The following ITGA1 variants were observed in gnomAD, a reference collection of about 807,000 sequenced individuals.
ITGA1 encodes integrin alpha-1.
Under a neutral mutation model 145.9 loss-of-function variants are expected in ITGA1, and 85 were observed. The ratio of observed to expected loss-of-function variants is 0.58; its 90% CI spans 0.49 to 0.70. The LOEUF (loss-of-function observed/expected upper bound fraction) is 0.70, where lower values mean the gene tolerates loss of function less well. Among genes scored for constraint, ITGA1 ranks in the 30% least tolerant of loss-of-function variants. The pLI is 0.00. For missense variants in ITGA1, 1,351 were observed against 1,418.7 expected (o/e 0.95, Z 0.77); for synonymous variants, 520 against 495.3 (o/e 1.05, Z -0.66).
chr5:52,919,758 A>G (rs954564489), intron 16 of ITGA1, among the ~76,000 whole-genome samples: 3 of 152,210 alleles, frequency 2.0e-5, no homozygotes, highest in African/African-American at 7.2e-5. Context: ...TAAGTGATCA[A>G]ATAAGGAATA....
In ITGA1 at chr5:52,865,061, A is replaced by G. The variant is rs754684334; in HGVS notation, c.475A>G (p.Asn159Asp). 6 of 1,613,008 alleles carry G rather than the reference A, an allele frequency of 3.7e-6. No homozygotes were observed. Among genetic ancestry groups the G allele is most frequent in the Non-Finnish European group, 5.1e-6 (6 of 1,179,152 alleles). ...CGTCAGCCCCACATTTCAAGTCGTGAATTCCATTGCCCCTGTACAAGGTAC... is the reference window on the plus strand; with the variant it reads ...CGTCAGCCCCACATTTCAAGTCGTGGATTCCATTGCCCCTGTACAAGGTAC... The part of the protein sequence containing the change: ...SDVSPTFQVV[N>D]SIAPVQECST... Residue 159 changes from asparagine to aspartate, a missense_variant, in exon 5 of 29, where the codon AAT (asparagine) becomes GAT (aspartate). Coordinates refer to ENST00000282588, the MANE Select transcript of ITGA1 (RefSeq NM_181501.2).
At position 52,922,813 on chromosome 5, in the gene ITGA1, T is replaced by C. The variant is rs1750750261; in HGVS notation, c.2329T>C (p.Leu777=). Residue 777 remains leucine (L), a synonymous_variant, in exon 18 of 29, where the codon TTG becomes CTG. Transcript: ENST00000282588. The part of the protein sequence containing the change: ...HDFQDSVRIT[L]DFNLTDPENG... ...CTTTCAGGACTCTGTGAGAATAACG[T>C]TGGACTTTAATCTTACCGATCCAGA... The C allele has an allele frequency of 6.2e-7, 1 of 1,613,406 alleles. No homozygotes were observed. Among genetic ancestry groups the C allele is most frequent in the South Asian group, 1.1e-5 (1 of 91,072 alleles).
At chr5:52,847,202 A>G (rs914649017) in intron 1 of ITGA1, among the ~76,000 whole-genome samples, 12 of 152,206 alleles carry the variant, frequency 7.9e-5, no homozygotes, top group African/African-American at 2.9e-4. Context: ...TAGGGAGGTC[A>G]AGAAAGACTT....
intron 1 of ITGA1, among the ~76,000 whole-genome samples, chr5:52,847,617 A>G (rs1037830733): frequency 2.0e-5 from 3 of 152,176 alleles, no homozygotes; most frequent in African/African-American, 7.2e-5. Context: ...CAGTGGCACA[A>G]TCTTGGCTCA....
intron 1 of ITGA1, among the ~76,000 whole-genome samples, chr5:52,825,672 C>A (rs1158456057): frequency 6.6e-6 from 1 of 152,168 alleles, no homozygotes; most frequent in Non-Finnish European, 1.5e-5. Flanking sequence ...GTAATCCCAG[C>A]ACTTTGGAAG....
chr5:52,814,875 G>A (rs1354604388), intron 1 of ITGA1, among the ~76,000 whole-genome samples: 4 of 152,082 alleles, frequency 2.6e-5, no homozygotes, highest in Admixed American at 6.5e-5. Context: ...GATGCATCAC[G>A]AAAGTACGGA....
At chr5:52,911,305 G>A (rs1194992062) in intron 14 of ITGA1, among the ~76,000 whole-genome samples, 2 of 132,590 alleles carry the variant, frequency 1.5e-5, no homozygotes, top group African/African-American at 2.7e-5. Flanking sequence ...TGTATATATA[G>A]TATATAGTGT....
At position 52,953,789 on chromosome 5, in the gene ITGA1, AACT is replaced by A. The variant is rs1751264319; in HGVS notation, c.*1342_*1344del. The A allele has an allele frequency of 1.3e-5, 2 of 152,196 alleles. No individual in the cohort carries two copies. Among genetic ancestry groups the A allele is most frequent in the African/African-American group, 4.8e-5 (2 of 41,440 alleles). 9.4% of individuals were successfully genotyped at this position (152,196 alleles called of 1,614,324 possible). A position where few individuals can be genotyped will look rare whatever the true frequency, so the allele number is the denominator to read the frequency against. ...TGAATGTATAGTAGCTGCATGTGTG[AACT>A]ACTGCTGTAAAGTTTGCTGACATTT... On this transcript the variant is annotated 3_prime_UTR_variant, in exon 29 of 29. Transcript: ENST00000282588.
chr5:52,920,393 A>T lies in ITGA1; in HGVS notation c.2217A>T (p.Gly739=), dbSNP rs1241766525. The T allele has an allele frequency of 1.2e-6, 2 of 1,612,462 alleles. No homozygotes were observed. The highest frequency in any genetic ancestry group is 1.7e-6 in the Non-Finnish European group (2 of 1,179,216). ...LRQISRSFFS[G]TQERKVQRNI... is the part of the protein sequence containing the mutation. ...AAATATCACGAAGTTTTTTCTCTGG[A>T]ACTCAAGAGAGAAAGGTTCAAAGGA... Residue 739 remains glycine, a synonymous_variant, in exon 17 of 29, where the codon GGA becomes GGT. Transcript: ENST00000282588.
Position 52,937,402 on chromosome 5 carries a change from T to C in ITGA1, c.2966T>C (p.Ile989Thr), listed in dbSNP as rs1730437004. The change falls in exon 24 of 29, where the codon ATT (isoleucine) becomes ACT (threonine). Residue 989 changes from isoleucine to threonine, a missense_variant and splice_region_variant. Transcript: ENST00000282588. ...TACATTTCCATTTTTTTCTTGTAGA[T>C]TAGAAAAAGTGGATCTTTTCCAATG... ...IGNEINIFYLIRKSGSFPMPE... is the reference protein window; with the variant it reads ...IGNEINIFYLTRKSGSFPMPE... 6.3e-7 allele frequency: 1 copy of C among 1,589,580 alleles called. No homozygotes were observed. The highest frequency in any genetic ancestry group is 1.1e-5 in the South Asian group (1 of 90,258).
intron 2 of ITGA1, among the ~76,000 whole-genome samples, chr5:52,858,392 A>C (rs1749549433): frequency 6.6e-6 from 1 of 152,192 alleles, no homozygotes; most frequent in Non-Finnish European, 1.5e-5. Flanking sequence ...ACTTTGCTGA[A>C]GTTGCATCAA....
chr5:52,932,112 A>G lies in ITGA1; in HGVS notation c.2837A>G (p.Tyr946Cys), dbSNP rs1169643163. ...NVVNISIPVKYEVGLQFYSSA... is the reference protein window; with the variant it reads ...NVVNISIPVKCEVGLQFYSSA... Reference sequence around the variant, plus strand: ...GTAAACATTTCTATCCCGGTAAAATATGAAGTTGGACTACAGTTTTACAGG... The same window carrying G: ...GTAAACATTTCTATCCCGGTAAAATGTGAAGTTGGACTACAGTTTTACAGG... The change falls in exon 22 of 29, where the codon TAT becomes TGT. Residue 946 changes from tyrosine to cysteine, a missense_variant. Transcript: ENST00000282588. The G allele has an allele frequency of 1.9e-6, 3 of 1,607,408 alleles. No individual in the cohort carries two copies. The highest frequency in any genetic ancestry group is 2.2e-5 in the East Asian group (1 of 44,866).
intron 14 of ITGA1, among the ~76,000 whole-genome samples, chr5:52,911,100 GT>G: frequency 7.5e-6 from 1 of 133,374 alleles, no homozygotes; most frequent in African/African-American, 2.8e-5. Flanking sequence ...TGTATATATA[GT>G]GTATATATAG....
At chr5:52,905,955 C>A in intron 12 of ITGA1, 47 bp downstream of exon 12, 2 of 1,505,248 alleles carry the variant, frequency 1.3e-6, no homozygotes, top group Non-Finnish European at 1.8e-6. Flanking sequence ...TATTCATACT[C>A]TATGTATATT....
At chr5:52,939,486 A>G in intron 24 of ITGA1, 104 bp from the exon 25 acceptor site, 1 of 728,402 alleles carries the variant, frequency 1.4e-6, no homozygotes, top group South Asian at 1.8e-5. Flanking sequence ...TCTCTAATAT[A>G]TGGCAATGGC....
chr5:52,937,563 CT>C (rs767367438), intron 24 of ITGA1, 49 bp downstream of exon 24: 2 of 1,156,942 alleles, frequency 1.7e-6, no homozygotes, highest in Non-Finnish European at 2.6e-6. Flanking sequence ...ATCTTTTCCA[CT>C]TTATGTTTAA....
chr5:52,913,861 G>A (rs998175868), intron 14 of ITGA1, among the ~76,000 whole-genome samples: 1 of 152,236 alleles, frequency 6.6e-6, no homozygotes, highest in South Asian at 2.1e-4. Flanking sequence ...ATTTCAATAA[G>A]AGCACTTGTA....
chr5:52,918,683 T>C, intron 15 of ITGA1, 49 bp from the exon 16 acceptor site: 1 of 1,568,330 alleles, frequency 6.4e-7, no homozygotes, highest in African/African-American at 1.4e-5. Context: ...GTTGATGACA[T>C]TCATTAAATG....
At chr5:52,802,359 C>A (rs1220845112) in intron 1 of ITGA1, 1 of 152,076 alleles carries the variant, frequency 6.6e-6, no homozygotes, top group Non-Finnish European at 1.5e-5. Flanking sequence ...AAATGATTGC[C>A]GTACAATTAG....
Sources: allele counts gnomAD v4.1 joint callset (sites outside exome capture counted in the v4.1 genomes callset), GRCh38; gene constraint gnomAD v4.1.1; transcripts MANE v1.5; gene names NCBI Gene and HGNC (gene_info 2026-07-23, HGNC 2026-07-21).